ARHGEF28: variants seen among roughly 807,000 people sequenced by gnomAD.
ARHGEF28 encodes Rho guanine nucleotide exchange factor 28.
A neutral mutation model predicts 206.6 loss-of-function variants in ARHGEF28; 152 were observed. The ratio of observed to expected loss-of-function variants is 0.74; its 90% CI spans 0.64 to 0.84. The LOEUF (loss-of-function observed/expected upper bound fraction) is 0.84, where lower values mean the gene tolerates loss of function less well. ARHGEF28 is among the 40% of genes least tolerant of loss of function. The pLI, the probability that ARHGEF28 is intolerant of heterozygous loss-of-function variation, is 0.00. For missense variants in ARHGEF28, 2,028 were observed against 2,073.2 expected, an observed-to-expected ratio of 0.98 and a Z score of 0.42; for synonymous variants, 763 against 776.4, an observed-to-expected ratio of 0.98 and a Z score of 0.29.
At chr5:73,902,660 G>C (rs1282975663) in intron 31 of ARHGEF28, 1 of 152,158 alleles carries the variant, frequency 6.6e-6, no homozygotes, top group Admixed American at 6.5e-5. Context: ...ACAAATTTCT[G>C]AAAGAATATT....
chr5:73,856,065 T>G (rs2112608831), intron 14 of ARHGEF28, among the ~76,000 whole-genome samples: 1 of 152,178 alleles, frequency 6.6e-6, no homozygotes, highest in East Asian at 1.9e-4. Context: ...AAAAAGGCCT[T>G]CTAAGAGAGG....
chr5:73,725,765 A>C (rs1175696253), intron 2 of ARHGEF28, among the ~76,000 whole-genome samples: 1 of 152,190 alleles, frequency 6.6e-6, no homozygotes, highest in Non-Finnish European at 1.5e-5. Context: ...TTGTAAAGCC[A>C]GGTCTATCTT....
chr5:73,695,732 C>T (rs965625671), intron 2 of ARHGEF28, among the ~76,000 whole-genome samples: 6 of 152,176 alleles, frequency 3.9e-5, no homozygotes, highest in African/African-American at 1.2e-4. Flanking sequence ...CTCTCCTCAG[C>T]CATTGTTCTA....
chr5:73,923,203 TACTCC>T (rs910237512), intron 35 of ARHGEF28: 78 of 1,510,122 alleles, frequency 5.2e-5, no homozygotes, highest in Non-Finnish European at 6.9e-5. Context: ...TCTTTTAGGG[TACTCC>T]ACTCAACTAC....
intron 21 of ARHGEF28, 116 bp downstream of exon 21, chr5:73,870,325 C>A: frequency 8.0e-7 from 1 of 1,248,360 alleles, no homozygotes; most frequent in Non-Finnish European, 1.1e-6. Flanking sequence ...TTCTATTTAC[C>A]TGATCGCAGA....
chr5:73,747,746 T>A (rs534698193), intron 2 of ARHGEF28, among the ~76,000 whole-genome samples: 2 of 152,272 alleles, frequency 1.3e-5, no homozygotes, highest in South Asian at 4.1e-4. Flanking sequence ...CTCTTTAATC[T>A]CCTTAATGGG....
chr5:73,811,866 G>A (rs966776890), intron 9 of ARHGEF28, among the ~76,000 whole-genome samples: 2 of 151,088 alleles, frequency 1.3e-5, no homozygotes, highest in Non-Finnish European at 1.5e-5. Context: ...GCCTGTAGAC[G>A]CAACTACTCA....
intron 10 of ARHGEF28, among the ~76,000 whole-genome samples, chr5:73,840,183 C>T (rs370669397): frequency 3.3e-5 from 5 of 152,148 alleles, no homozygotes; most frequent in Non-Finnish European, 4.4e-5. Context: ...CTGGCGCAAT[C>T]GCTACTCATT....
At chr5:73,629,129 C>A (rs1226750993) in intron 1 of ARHGEF28, among the ~76,000 whole-genome samples, 3 of 152,130 alleles carry the variant, frequency 2.0e-5, no homozygotes, top group Admixed American at 1.3e-4. Context: ...TTGAAGGTGA[C>A]ACTTTTCTGG....
chr5:73,776,380 T>C, intron 5 of ARHGEF28, 136 bp from the exon 6 acceptor site: 1 of 667,968 alleles, frequency 1.5e-6, no homozygotes, highest in South Asian at 2.6e-5. Flanking sequence ...TCTTATGTAT[T>C]TATTGCACGT....
chr5:73,824,620 A>G (rs1368896036), intron 9 of ARHGEF28, among the ~76,000 whole-genome samples: 1 of 152,048 alleles, frequency 6.6e-6, no homozygotes, highest in Non-Finnish European at 1.5e-5. Flanking sequence ...AGCATGCGCC[A>G]TCACGCCCGG....
At chr5:73,856,394 G>A (rs146084608) in intron 14 of ARHGEF28, among the ~76,000 whole-genome samples, 1 of 151,994 alleles carries the variant, frequency 6.6e-6, no homozygotes, top group South Asian at 2.1e-4. Context: ...TACTGTGCAG[G>A]CTTTAAGTAA....
At chr5:73,879,888 C>G (rs1472227275) in intron 22 of ARHGEF28, among the ~76,000 whole-genome samples, 1 of 152,178 alleles carries the variant, frequency 6.6e-6, no homozygotes, top group African/African-American at 2.4e-5. Context: ...CAGGGACCCA[C>G]TTGAGGAGGC....
At chr5:73,645,469 A>T (rs183071123) in intron 1 of ARHGEF28, among the ~76,000 whole-genome samples, 3 of 152,288 alleles carry the variant, frequency 2.0e-5, no homozygotes, top group Admixed American at 2.0e-4. Context: ...AAAATACCAT[A>T]CTCTGATAGT....
chr5:73,835,778 G>T (rs1246515546), intron 10 of ARHGEF28, among the ~76,000 whole-genome samples: 2 of 152,160 alleles, frequency 1.3e-5, no homozygotes, highest in Non-Finnish European at 2.9e-5. Flanking sequence ...GGGGCTTGTG[G>T]TTGTCATTGG....
chr5:73,654,440 G>A (rs1425489147), intron 1 of ARHGEF28, among the ~76,000 whole-genome samples: 1 of 152,194 alleles, frequency 6.6e-6, no homozygotes, highest in Non-Finnish European at 1.5e-5. Context: ...GAGTGGGCTA[G>A]GCACCCAGAG....
At chr5:73,738,964 T>G (rs1401581537) in intron 2 of ARHGEF28, among the ~76,000 whole-genome samples, 2 of 152,324 alleles carry the variant, frequency 1.3e-5, no homozygotes, top group Admixed American at 6.5e-5. Flanking sequence ...CATGTAAAGC[T>G]TGTTTGAGAC....
intron 14 of ARHGEF28, among the ~76,000 whole-genome samples, 185 bp downstream of exon 14, chr5:73,852,877 C>T (rs1283358032): frequency 1.3e-5 from 2 of 152,210 alleles, no homozygotes; most frequent in Non-Finnish European, 1.5e-5. Context: ...CCTTTCAGTC[C>T]TTGGCTGTGC....
Position 73,909,890 on chromosome 5 carries a change from G to GC in ARHGEF28, c.4644dup (p.Glu1549ArgfsTer6). ...CTGCCCGCGGTGCTCCTTCCGGGTG[G>GC]CCCCGAGGTATGGACCTTCTGCGGT... On this transcript the variant is annotated frameshift_variant, in exon 34 of 36. Transcript: ENST00000513042. LOFTEE classifies it high-confidence loss of function. 3 of 1,507,842 alleles carry GC rather than the reference G, an allele frequency of 2.0e-6. No individual in the cohort carries two copies. Among genetic ancestry groups the GC allele is most frequent in the Non-Finnish European group, 2.6e-6 (3 of 1,140,606 alleles). 93.4% of individuals were successfully genotyped at this position (1,507,842 alleles called of 1,614,324 possible). A position where few individuals can be genotyped will look rare whatever the true frequency, so the allele number is the denominator to read the frequency against.
Sources: gnomAD v4.1 joint callset for allele counts (sites outside exome capture counted in the v4.1 genomes callset) on GRCh38, gnomAD v4.1.1 for gene constraint, MANE v1.5 for transcripts, NCBI Gene and HGNC (gene_info 2026-07-23, HGNC 2026-07-21) for gene names.